Variants in CAND2 observed in about 807,000 individuals in gnomAD.
CAND2 encodes cullin associated and neddylation dissociated 2 (putative), also known as cullin-associated NEDD8-dissociated protein 2.
In CAND2, 62 loss-of-function variants were observed where a neutral mutation model predicts 98.9. That is an observed-to-expected ratio of 0.63 (90% CI 0.51 to 0.77). CAND2 has a LOEUF of 0.77. CAND2 is among the 30% of genes least tolerant of loss of function. CAND2 has a pLI of 0.00. For missense variants in CAND2, 1,501 were observed against 1,655.2 expected (o/e 0.91, Z 1.62); for synonymous variants, 770 against 731.9 (o/e 1.05, Z -0.84).
rs200149446 is a variant in CAND2 at position 12,816,397 on chromosome 3, C to T, written c.1465C>T (p.Arg489Cys). The T allele has an allele frequency of 3.0e-3, 4,864 of 1,612,418 alleles. 12 individuals carry two copies. The highest frequency in any genetic ancestry group is 4.0e-3 in the Non-Finnish European group (4,662 of 1,179,402). Residue 489 changes from arginine (R) to cysteine (C), a missense_variant, in exon 10 of 15, where the codon CGC (arginine) becomes TGC (cysteine). Arg to Cys is a radical substitution (Grantham distance 180). Coordinates refer to ENST00000456430, the MANE Select transcript of CAND2 (RefSeq NM_001162499.2). ...AGGCATCATCTTCTCGCTGGCCGAC[C>T]GCTCCAGCTCCTCCACCATCCGGAT... ...VSGIIFSLAD[R>C]SSSSTIRMDA... is the part of the protein sequence containing the mutation.
intron 13 of CAND2, among the ~76,000 whole-genome samples, chr3:12,828,025 A>G (rs1363982904): frequency 6.6e-6 from 1 of 151,726 alleles, no homozygotes; most frequent in Non-Finnish European, 1.5e-5. Context: ...TTGACCCTGC[A>G]GGGCACTTTC....
rs1382870441 is a variant in CAND2 at position 12,812,983 on chromosome 3, C to T, written c.758-7C>T. 1.3e-6 allele frequency: 2 copies of T among 1,554,124 alleles called. No individual in the cohort carries two copies. The highest frequency in any genetic ancestry group is 1.2e-5 in the South Asian group (1 of 84,774). ...GCTTGGGTTCAGTGATCCACCTGGCCCTGCAGGGGCTCACCTGGACCGCCT... is the reference window on the plus strand; with the variant it reads ...GCTTGGGTTCAGTGATCCACCTGGCTCTGCAGGGGCTCACCTGGACCGCCT... On this transcript the variant is annotated splice_polypyrimidine_tract_variant and splice_region_variant and intron_variant, in intron 5 of 14. Coordinates refer to ENST00000456430, the MANE Select transcript of CAND2 (RefSeq NM_001162499.2).
chr3:12,807,265 A>G, intron 2 of CAND2, 41 bp from the exon 3 acceptor site: 1 of 1,537,686 alleles, frequency 6.5e-7, no homozygotes, highest in East Asian at 2.5e-5. Flanking sequence ...ACTCAGGCTG[A>G]ACCTTGTGCC....
At position 12,807,448 on chromosome 3, in the gene CAND2, C is replaced by G. The variant is rs1265025340; in HGVS notation, c.355C>G (p.Pro119Ala). ...GLKTVLSELPPAATGSGLATN... is the reference protein window; with the variant it reads ...GLKTVLSELPAAATGSGLATN... ...CAAGACCGTCCTCTCGGAGCTCCCT[C>G]CTGCAGCCACAGGTACCCAGGTCCC... Residue 119 changes from proline to alanine, a missense_variant, in exon 3 of 15, where the codon CCT (proline) becomes GCT (alanine). Around this residue, in one of 3 missense-constraint regions of CAND2, gnomAD observed 1,427 missense variants for 1,545.3 expected, o/e 0.92. Coordinates refer to ENST00000456430, the MANE Select transcript of CAND2 (RefSeq NM_001162499.2). 1.2e-5 allele frequency: 18 copies of G among 1,551,420 alleles called. No individual in the cohort carries two copies. Among genetic ancestry groups the G allele is most frequent in the Non-Finnish European group, 1.2e-5 (14 of 1,146,918 alleles).
intron 13 of CAND2, among the ~76,000 whole-genome samples, chr3:12,829,511 TAC>T (rs755356613): frequency 3.2e-4 from 48 of 152,370 alleles, no homozygotes; most frequent in Non-Finnish European, 5.0e-4. Context: ...GAAAAATTAA[TAC>T]AAAGTAATCA....
intron 11 of CAND2, among the ~76,000 whole-genome samples, chr3:12,822,601 C>T (rs1163374702): frequency 1.3e-5 from 2 of 152,114 alleles, no homozygotes; most frequent in Non-Finnish European, 2.9e-5. Flanking sequence ...GCCCAGCCTC[C>T]ATCATTCTCT....
intron 11 of CAND2, 90 bp from the exon 12 acceptor site, chr3:12,825,380 G>A (rs959683814): frequency 2.7e-5 from 35 of 1,310,342 alleles, no homozygotes; most frequent in East Asian, 1.0e-4. Context: ...AGTTCTGCAC[G>A]TGCACAGTAA....
intron 14 of CAND2, among the ~76,000 whole-genome samples, chr3:12,831,880 TACTAAAGATGTA>T (rs1382548835): frequency 2.0e-5 from 3 of 152,320 alleles, no homozygotes; most frequent in African/African-American, 7.2e-5. Flanking sequence ...TCGTGGGAGA[TACTAAAGATGTA>T]ACATTGAGCC....
intron 4 of CAND2, among the ~76,000 whole-genome samples, chr3:12,809,498 A>G (rs993549309): frequency 2.6e-5 from 4 of 152,186 alleles, no homozygotes; most frequent in Admixed American, 2.0e-4. Context: ...CAAGATGTTT[A>G]CAGGACAGAA....
chr3:12,797,829 A>G (rs1055204048), intron 1 of CAND2, among the ~76,000 whole-genome samples: 4 of 152,190 alleles, frequency 2.6e-5, no homozygotes, highest in African/African-American at 9.7e-5. Flanking sequence ...ACAGAGGCCA[A>G]GATCTTAGTG....
chr3:12,797,083 T>G (rs2061731446), intron 1 of CAND2, among the ~76,000 whole-genome samples: 1 of 148,910 alleles, frequency 6.7e-6, no homozygotes, highest in African/African-American at 2.5e-5. Context: ...GAGCCCCGGC[T>G]CCACCCCTCT....
At chr3:12,796,822 C>G (rs752485960) in intron 1 of CAND2, 34 bp downstream of exon 1, 1 of 1,544,294 alleles carries the variant, frequency 6.5e-7, no homozygotes, top group South Asian at 1.2e-5. Flanking sequence ...TCTCTCCTTC[C>G]CGCTCTGAAG....
chr3:12,827,725 T>G (rs1028923814), intron 13 of CAND2, 121 bp downstream of exon 13: 2 of 965,902 alleles, frequency 2.1e-6, no homozygotes, highest in African/African-American at 3.3e-5. Context: ...AATAGCTGCA[T>G]TGTTGTTTTC....
chr3:12,816,796 C>T lies in CAND2; in HGVS notation c.1864C>T (p.Arg622Trp), dbSNP rs1255033683. Residue 622 changes from arginine (R) to tryptophan (W), a missense_variant, in exon 10 of 15, where the codon CGG becomes TGG. By Grantham distance (101) the Arg-to-Trp change is moderately radical. Around this residue, in one of 3 missense-constraint regions of CAND2, gnomAD observed 1,427 missense variants for 1,545.3 expected, o/e 0.92. Coordinates refer to ENST00000456430, the MANE Select transcript of CAND2 (RefSeq NM_001162499.2). ...GTTACTGCTCCTCCTGGACCGCCTG[C>T]GGAATGAGATCACCCGGCTGCCCGC... ...PTLLLLLDRL[R>W]NEITRLPAIK... The T allele has an allele frequency of 8.7e-6, 14 of 1,613,488 alleles. No individual in the cohort carries two copies. Among genetic ancestry groups the T allele is most frequent in the African/African-American group, 2.7e-5 (2 of 74,926 alleles).
chr3:12,801,615 A>G, intron 1 of CAND2, among the ~76,000 whole-genome samples: 1 of 152,154 alleles, frequency 6.6e-6, no homozygotes. Context: ...GTCAGGCCCC[A>G]TGAATCCCTC....
Position 12,834,009 on chromosome 3 carries a change from G to A in CAND2, c.*27G>A, listed in dbSNP as rs1425503954. The A allele has an allele frequency of 2.5e-6, 4 of 1,595,284 alleles. No individual in the cohort carries two copies. Among genetic ancestry groups the A allele is most frequent in the South Asian group, 2.2e-5 (2 of 90,746 alleles). On this transcript the variant is annotated 3_prime_UTR_variant, in exon 15 of 15. Transcript: ENST00000456430. ...CCCCTCAGCACCAAGGTGGGCCCTC[G>A]CTTAAGAGAAAGGAGCCCACCCAAG...
At chr3:12,810,429 C>A in intron 5 of CAND2, 105 bp downstream of exon 5, 1 of 1,183,592 alleles carries the variant, frequency 8.4e-7, no homozygotes, top group Non-Finnish European at 1.1e-6. Context: ...GCAGCCAGGG[C>A]CTAAGGGTGG....
At chr3:12,830,943 T>C (rs9813534) in intron 13 of CAND2, among the ~76,000 whole-genome samples, 35,875 of 152,164 alleles carry the variant, frequency 0.24, 6,933 homozygotes, top group African/African-American at 0.54. Context: ...AGGACTTGAC[T>C]ATTTTCAAAA....
intron 2 of CAND2, among the ~76,000 whole-genome samples, chr3:12,804,389 GGAGGCAGAGATTGCAGT>G (rs2061790217): frequency 6.6e-6 from 1 of 152,278 alleles, no homozygotes; most frequent in South Asian, 2.1e-4. Context: ...CTTGAACCCA[GGAGGCAGAGATTGCAGT>G]GAGCCAAGAT....
Sources: allele counts gnomAD v4.1 joint callset (sites outside exome capture counted in the v4.1 genomes callset), GRCh38; gene constraint gnomAD v4.1.1; regional missense constraint gnomAD v4.1.1; transcripts MANE v1.5; gene names NCBI Gene and HGNC (gene_info 2026-07-23, HGNC 2026-07-21).